RAD51B: variants seen among roughly 807,000 people sequenced by gnomAD.
RAD51B encodes the protein DNA repair protein RAD51 homolog 2.
RAD51B carries 38 observed loss-of-function variants against 42.2 expected under a neutral mutation model. The observed-to-expected ratio is 0.90, with a 90% CI of 0.70 to 1.18. The LOEUF (loss-of-function observed/expected upper bound fraction) is 1.18, where lower values mean the gene tolerates loss of function less well. Ranked by LOEUF, RAD51B falls within the 50% of genes most tolerant of loss-of-function variation. RAD51B has a pLI of 0.00. For missense variants in RAD51B, 373 were observed against 400.7 expected (o/e 0.93, Z 0.59); for synonymous variants, 154 against 145.2 (o/e 1.06, Z -0.43).
In RAD51B at chr14:68,497,559, A is replaced by T. The variant is rs191386234; in HGVS notation, c.1036+29309A>T. On this transcript the variant is annotated intron_variant, in intron 10 of 10. Coordinates refer to the RAD51B transcript ENST00000487270. ...GTGAAATTTATATAAGATGAAATTA[A>T]CCATTTTAAAGTAAACAATTCCGTG... 2.6e-4 allele frequency: 268 copies of T among 1,035,272 alleles called. No individual in the cohort carries two copies. The African/African-American group carries it at 4.2e-3, about 16-fold the overall frequency. 64.1% of individuals were successfully genotyped at this position (1,035,272 alleles called of 1,614,324 possible).
intron 10 of RAD51B, among the ~76,000 whole-genome samples, chr14:68,644,576 C>T (rs1167886386): frequency 6.6e-6 from 1 of 152,230 alleles, no homozygotes; most frequent in Non-Finnish European, 1.5e-5. Context: ...AGCCCAAAAA[C>T]CACACTGAAT....
intron 7 of RAD51B, among the ~76,000 whole-genome samples, chr14:68,165,312 T>C (rs919429536): frequency 3.3e-5 from 5 of 152,186 alleles, no homozygotes; most frequent in Non-Finnish European, 7.3e-5. Flanking sequence ...GTTAACATTA[T>C]GTTTAAAAAC....
intron 8 of RAD51B, among the ~76,000 whole-genome samples, chr14:68,365,667 C>G (rs1415454977): frequency 2.0e-5 from 3 of 152,190 alleles, no homozygotes; most frequent in African/African-American, 4.8e-5. Flanking sequence ...TTAAGGCAAT[C>G]AAGACATTTT....
chr14:67,973,244 C>G (rs375781464), intron 7 of RAD51B, among the ~76,000 whole-genome samples: 13 of 152,156 alleles, frequency 8.5e-5, no homozygotes, highest in South Asian at 4.1e-4. Context: ...CTGCTTTGAC[C>G]TTGTAGGTAA....
intron 7 of RAD51B, among the ~76,000 whole-genome samples, chr14:68,277,703 T>A (rs1286231199): frequency 3.3e-5 from 5 of 152,204 alleles, no homozygotes; most frequent in Non-Finnish European, 7.3e-5. Flanking sequence ...AGGCTACATC[T>A]TGCCACAGGT....
intron 10 of RAD51B, among the ~76,000 whole-genome samples, chr14:68,491,747 T>C (rs1028991845): frequency 1.3e-5 from 2 of 152,232 alleles, no homozygotes; most frequent in African/African-American, 2.4e-5. Context: ...CTGCCTAATC[T>C]TCATGCCAGG....
intron 7 of RAD51B, among the ~76,000 whole-genome samples, chr14:68,216,105 A>G (rs1168874864): frequency 1.3e-5 from 2 of 152,206 alleles, no homozygotes; most frequent in East Asian, 3.8e-4. Context: ...ATTGTAGCAG[A>G]AAAACAAATG....
intron 8 of RAD51B, among the ~76,000 whole-genome samples, chr14:68,297,574 T>C (rs1349931002): frequency 1.3e-5 from 2 of 152,160 alleles, no homozygotes; most frequent in Non-Finnish European, 2.9e-5. Context: ...TGTAGGGCCA[T>C]GTACCAACGG....
intron 4 of RAD51B, among the ~76,000 whole-genome samples, chr14:67,853,548 A>G (rs550180387): frequency 1.1e-4 from 16 of 152,352 alleles, no homozygotes; most frequent in East Asian, 3.9e-4. Context: ...TAGAGAACTA[A>G]TAAAATACAG....
chr14:68,507,308 G>A (rs767276209), intron 10 of RAD51B, among the ~76,000 whole-genome samples: 3 of 152,240 alleles, frequency 2.0e-5, no homozygotes, highest in Non-Finnish European at 4.4e-5. Flanking sequence ...GGTTTGAAAC[G>A]CATCTGGCTT....
chr14:68,529,651 A>G (rs1020159190), intron 10 of RAD51B, among the ~76,000 whole-genome samples: 9 of 152,250 alleles, frequency 5.9e-5, no homozygotes, highest in African/African-American at 2.2e-4. Flanking sequence ...TCTGAACCAG[A>G]GACCTCTACA....
At chr14:68,253,864 A>G (rs921308753) in intron 7 of RAD51B, among the ~76,000 whole-genome samples, 8 of 152,214 alleles carry the variant, frequency 5.3e-5, no homozygotes, top group African/African-American at 1.7e-4. Flanking sequence ...ATATATTGCT[A>G]TATATTTTAC....
intron 10 of RAD51B, among the ~76,000 whole-genome samples, chr14:68,502,364 AGG>A (rs907810111): frequency 6.6e-6 from 1 of 152,124 alleles, no homozygotes; most frequent in East Asian, 1.9e-4. Flanking sequence ...TGCAGAAGGG[AGG>A]GGGGCGCACA....
At chr14:68,347,966 G>T (rs984776071) in intron 8 of RAD51B, among the ~76,000 whole-genome samples, 1 of 152,210 alleles carries the variant, frequency 6.6e-6, no homozygotes, top group Non-Finnish European at 1.5e-5. Flanking sequence ...AATATTCCAT[G>T]TGGGCCCTGA....
chr14:68,197,992 T>C (rs925005824), intron 7 of RAD51B, among the ~76,000 whole-genome samples: 3 of 152,148 alleles, frequency 2.0e-5, no homozygotes, highest in Non-Finnish European at 2.9e-5. Context: ...AATGGTTAGT[T>C]CTTTTTATAG....
At chr14:68,189,921 C>G (rs1288414634) in intron 7 of RAD51B, among the ~76,000 whole-genome samples, 1 of 152,156 alleles carries the variant, frequency 6.6e-6, no homozygotes, top group Non-Finnish European at 1.5e-5. Flanking sequence ...CTGCCTTAGC[C>G]TCCCAAAGTG....
chr14:68,399,475 C>T lies in RAD51B; in HGVS notation c.854-11949C>T, dbSNP rs188113082. On this transcript the variant is annotated intron_variant, in intron 8 of 10. Coordinates refer to ENST00000471583, the MANE Select transcript of RAD51B (RefSeq NM_133510.4). The stretch of plus-strand genomic sequence containing the variant: ...GGTTTCACCGTGTTAGCCAGGATGG[C>T]CTCCATCTCCTGACTTCATGATCCA... Among the ~76,000 whole-genome samples the T allele has an allele frequency of 1.7e-4, 26 of 152,074 alleles. No homozygotes were observed. In the East Asian group the frequency reaches 2.5e-3, roughly 15 times the overall value.
At chr14:68,028,909 TCCTTGG>T (rs1332535810) in intron 7 of RAD51B, among the ~76,000 whole-genome samples, 7 of 152,146 alleles carry the variant, frequency 4.6e-5, no homozygotes, top group Non-Finnish European at 8.8e-5. Context: ...CGCACAGAGG[TCCTTGG>T]CTCCATGCTG....
At chr14:68,078,481 C>A (rs368407367) in intron 7 of RAD51B, among the ~76,000 whole-genome samples, 1 of 152,062 alleles carries the variant, frequency 6.6e-6, no homozygotes, top group East Asian at 1.9e-4. Flanking sequence ...ATGTTAGGCT[C>A]TAAGCCCTTC....
Sources: gnomAD v4.1 joint callset for allele counts (sites outside exome capture counted in the v4.1 genomes callset) on GRCh38, gnomAD v4.1.1 for gene constraint, MANE v1.5 for transcripts, NCBI Gene and HGNC (gene_info 2026-07-23, HGNC 2026-07-21) for gene names.